PLCH1: variants seen among roughly 807,000 people sequenced by gnomAD.
PLCH1 encodes the protein 1-phosphatidylinositol 4,5-bisphosphate phosphodiesterase eta-1.
In PLCH1, 60 loss-of-function variants were observed where a neutral mutation model predicts 126.7. That is an observed-to-expected ratio of 0.47 (90% CI 0.38 to 0.59). The LOEUF is 0.59. Ranked by LOEUF, PLCH1 falls within the 20% of genes least tolerant of loss-of-function variation. The pLI, the probability that PLCH1 is intolerant of heterozygous loss-of-function variation, is 0.00. For missense variants in PLCH1, 1,723 were observed against 2,040.0 expected (o/e 0.84, Z 2.99); for synonymous variants, 719 against 734.9 (o/e 0.98, Z 0.35).
intron 10 of PLCH1, among the ~76,000 whole-genome samples, chr3:155,540,664 G>C (rs1204096332): frequency 6.6e-6 from 1 of 152,094 alleles, no homozygotes; most frequent in Admixed American, 6.5e-5. Flanking sequence ...CTAATAATCA[G>C]GGAAATGCAA....
chr3:155,602,869 T>G (rs1339480891), intron 2 of PLCH1, among the ~76,000 whole-genome samples: 1 of 152,198 alleles, frequency 6.6e-6, no homozygotes, highest in Non-Finnish European at 1.5e-5. Flanking sequence ...ATTTGCATGT[T>G]TGTGTATATG....
chr3:155,576,743 C>T (rs148463704), intron 6 of PLCH1, among the ~76,000 whole-genome samples: 72 of 152,124 alleles, frequency 4.7e-4, no homozygotes, highest in African/African-American at 1.6e-3. Context: ...AACTCAAAAC[C>T]CCACGAAACT....
chr3:155,643,471 C>T (rs1413079591), intron 2 of PLCH1, among the ~76,000 whole-genome samples: 2 of 152,186 alleles, frequency 1.3e-5, no homozygotes, highest in East Asian at 1.9e-4. Flanking sequence ...GAATTCCTGA[C>T]TCACAGAAAC....
chr3:155,584,010 A>C (rs1731053668), intron 5 of PLCH1, among the ~76,000 whole-genome samples: 1 of 152,070 alleles, frequency 6.6e-6, no homozygotes, highest in African/African-American at 2.4e-5. Context: ...TTATAAAATA[A>C]CATTAGAAAC....
At chr3:155,664,443 A>AT (rs1742513578) in intron 2 of PLCH1, among the ~76,000 whole-genome samples, 1 of 152,230 alleles carries the variant, frequency 6.6e-6, no homozygotes, top group African/African-American at 2.4e-5. Flanking sequence ...GCTGGCAAAC[A>AT]TTTTTTGTAT....
intron 10 of PLCH1, among the ~76,000 whole-genome samples, chr3:155,531,241 G>A (rs751895304): frequency 6.6e-5 from 10 of 152,338 alleles, no homozygotes; most frequent in South Asian, 4.1e-4. Context: ...TGTTCTTGAC[G>A]CTTTGAAGGC....
At chr3:155,455,957 A>T (rs1444052543) in intron 21 of PLCH1, among the ~76,000 whole-genome samples, 1 of 152,204 alleles carries the variant, frequency 6.6e-6, no homozygotes, top group Non-Finnish European at 1.5e-5. Flanking sequence ...GTGAAGCTGG[A>T]ACATGCACGC....
At chr3:155,477,161 T>C (rs1456528279), downstream of PLCH1, among the ~76,000 whole-genome samples, 2 of 152,072 alleles carry the variant, frequency 1.3e-5, no homozygotes, top group Admixed American at 6.5e-5. Flanking sequence ...AAAGACAGTC[T>C]CTTCAATAAG....
intron 21 of PLCH1, among the ~76,000 whole-genome samples, chr3:155,462,593 T>C (rs1259148857): frequency 6.6e-6 from 1 of 152,218 alleles, no homozygotes; most frequent in Non-Finnish European, 1.5e-5. Flanking sequence ...ATTTGGTATA[T>C]ACTAATATGC....
At chr3:155,677,022 AT>A (rs1459294379) in intron 2 of PLCH1, among the ~76,000 whole-genome samples, 1 of 152,246 alleles carries the variant, frequency 6.6e-6, no homozygotes, top group Non-Finnish European at 1.5e-5. Flanking sequence ...AGACAGACAC[AT>A]AAGCAGATAC....
chr3:155,706,715 C>T (rs892213125), intron 1 of PLCH1, among the ~76,000 whole-genome samples: 1 of 152,018 alleles, frequency 6.6e-6, no homozygotes, highest in Non-Finnish European at 1.5e-5. Flanking sequence ...CTCAGTGACT[C>T]GTTTCTAACA....
At chr3:155,469,443 T>C (rs989397521) in intron 21 of PLCH1, among the ~76,000 whole-genome samples, 6 of 152,210 alleles carry the variant, frequency 3.9e-5, no homozygotes, top group Non-Finnish European at 8.8e-5. Context: ...GGAGTCTCGC[T>C]GATTGCTAGC....
At chr3:155,657,145 C>T (rs1184967805) in intron 2 of PLCH1, among the ~76,000 whole-genome samples, 3 of 151,724 alleles carry the variant, frequency 2.0e-5, no homozygotes, top group Non-Finnish European at 4.4e-5. Flanking sequence ...GAGACTTCTG[C>T]TTCCAACCAA....
At chr3:155,499,915 T>G (rs1214120672) in intron 14 of PLCH1, among the ~76,000 whole-genome samples, 1 of 152,212 alleles carries the variant, frequency 6.6e-6, no homozygotes, top group Non-Finnish European at 1.5e-5. Context: ...CTGTTGGAGC[T>G]CAAATATAAA....
intron 10 of PLCH1, among the ~76,000 whole-genome samples, chr3:155,527,205 T>C (rs6441000): frequency 6.6e-6 from 1 of 152,124 alleles, no homozygotes; most frequent in Admixed American, 6.6e-5. Context: ...TCTTAAAACA[T>C]AGGGATGGAG....
At chr3:155,463,597 G>T (rs1392538054) in intron 21 of PLCH1, among the ~76,000 whole-genome samples, 2 of 152,164 alleles carry the variant, frequency 1.3e-5, no homozygotes, top group East Asian at 3.9e-4. Context: ...TCTATGAAGT[G>T]GGGGTAACAT....
chr3:155,544,220 A>C (rs1422223919), intron 10 of PLCH1, among the ~76,000 whole-genome samples: 3 of 152,250 alleles, frequency 2.0e-5, no homozygotes, highest in African/African-American at 7.2e-5. Context: ...AAACAAAAAA[A>C]GGCAGAGGTT....
chr3:155,563,003 A>C (rs761524723), intron 8 of PLCH1, among the ~76,000 whole-genome samples: 7 of 152,068 alleles, frequency 4.6e-5, no homozygotes, highest in African/African-American at 7.3e-5. Context: ...AATACAACTA[A>C]ATTGGATACT....
chr3:155,716,714 C>T (rs1747539767), intron 1 of PLCH1, among the ~76,000 whole-genome samples: 1 of 152,158 alleles, frequency 6.6e-6, no homozygotes, highest in Non-Finnish European at 1.5e-5. Flanking sequence ...CCACCAGGCC[C>T]CAACTCCAAC....
Sources: gnomAD v4.1 joint callset for allele counts (sites outside exome capture counted in the v4.1 genomes callset) on GRCh38, gnomAD v4.1.1 for gene constraint, MANE v1.5 for transcripts, NCBI Gene and HGNC (gene_info 2026-07-23, HGNC 2026-07-21) for gene names.